The following LYPD6 variants were observed in gnomAD, a reference collection of about 807,000 sequenced individuals.
LYPD6 encodes the protein ly6/PLAUR domain-containing protein 6.
LYPD6 carries 15 observed loss-of-function variants against 22.7 expected under a neutral mutation model. The ratio of observed to expected loss-of-function variants is 0.66; its 90% CI spans 0.44 to 1.02. The LOEUF is 1.02. Ranked by LOEUF, LYPD6 falls within the 50% of genes least tolerant of loss-of-function variation. The pLI is 0.00. For synonymous variants in LYPD6, 72 were observed against 77.5 expected (o/e 0.93, Z 0.37); for missense variants, 189 against 208.4 (o/e 0.91, Z 0.57).
intron 1 of LYPD6, among the ~76,000 whole-genome samples, chr2:149,411,545 A>C (rs534756838): frequency 6.6e-6 from 1 of 152,212 alleles, no homozygotes; most frequent in East Asian, 1.9e-4. Flanking sequence ...GGCCTTCTCA[A>C]ATCCATTTTG....
intron 1 of LYPD6, among the ~76,000 whole-genome samples, chr2:149,410,984 G>A (rs893473509): frequency 6.6e-6 from 1 of 152,202 alleles, no homozygotes; most frequent in African/African-American, 2.4e-5. Context: ...TATGTGAAGA[G>A]TATCTCCAGA....
intron 1 of LYPD6, among the ~76,000 whole-genome samples, chr2:149,436,906 G>T (rs1420653404): frequency 6.6e-6 from 1 of 152,188 alleles, no homozygotes; most frequent in Non-Finnish European, 1.5e-5. Context: ...TACACCTTAA[G>T]TCAGTCTTAA....
intron 1 of LYPD6, among the ~76,000 whole-genome samples, chr2:149,427,971 G>C (rs759038436): frequency 2.0e-5 from 3 of 152,166 alleles, no homozygotes; most frequent in Non-Finnish European, 4.4e-5. Context: ...CCTTGCCAAG[G>C]GGCTCCAGAA....
chr2:149,466,848 A>AT (rs2105180378), intron 3 of LYPD6, among the ~76,000 whole-genome samples: 1 of 145,972 alleles, frequency 6.9e-6, no homozygotes, highest in South Asian at 2.4e-4. Context: ...AGCTGTCTGC[A>AT]TGAAGAGGAG....
intron 1 of LYPD6, among the ~76,000 whole-genome samples, chr2:149,359,831 A>T (rs1211278422): frequency 6.6e-6 from 1 of 152,162 alleles, no homozygotes. Flanking sequence ...AGACCCCAAG[A>T]GAGGGTTCCT....
intron 1 of LYPD6, among the ~76,000 whole-genome samples, chr2:149,382,769 T>TAGCCTGTTTGCTATCAAA (rs1559132253): frequency 6.6e-6 from 1 of 151,690 alleles, no homozygotes; most frequent in African/African-American, 2.4e-5. Context: ...AAGTAGTAGA[T>TAGCCTGTTTGCTATCAAA]TTGATAGCCT....
intron 1 of LYPD6, among the ~76,000 whole-genome samples, chr2:149,366,314 A>C (rs1681663636): frequency 6.6e-6 from 1 of 152,186 alleles, no homozygotes; most frequent in Non-Finnish European, 1.5e-5. Flanking sequence ...TTTTAGATAA[A>C]TAAATGCCGG....
At chr2:149,458,926 T>C (rs1384020721) in intron 3 of LYPD6, among the ~76,000 whole-genome samples, 1 of 152,152 alleles carries the variant, frequency 6.6e-6, no homozygotes, top group Non-Finnish European at 1.5e-5. Context: ...GAAAGAAACC[T>C]CTACAGAGCC....
At chr2:149,482,256 C>T in the LYPD6 span, among the ~76,000 whole-genome samples, 1 of 152,002 alleles carries the variant, frequency 6.6e-6, no homozygotes, top group Non-Finnish European at 1.5e-5. Flanking sequence ...TCTTCTGAAC[C>T]GTTTTAAGGA....
chr2:149,384,403 G>A (rs1002212746), intron 1 of LYPD6, among the ~76,000 whole-genome samples: 1 of 152,176 alleles, frequency 6.6e-6, no homozygotes, highest in African/African-American at 2.4e-5. Flanking sequence ...TTTGTTGGTT[G>A]TGGGGTTTGA....
chr2:149,446,766 CTT>C (rs1177321466), intron 2 of LYPD6, among the ~76,000 whole-genome samples: 6 of 152,188 alleles, frequency 3.9e-5, no homozygotes, highest in African/African-American at 1.4e-4. Flanking sequence ...CTGTTTATGA[CTT>C]TTGATCATGA....
rs145526211 is a variant in LYPD6, at chr2:149,450,002, C to G, written c.217+855C>G. On this transcript the variant is annotated intron_variant, in intron 3 of 4. Transcript: ENST00000334166. The stretch of plus-strand genomic sequence containing the variant: ...CATACTTAACCCAGTGAATGGTATT[C>G]TGCCTCTTGTGGAGGATTGGAAATT... 3.2e-3 allele frequency among the ~76,000 whole-genome samples: 487 copies of G among 152,276 alleles called. 2 individuals are homozygous for G. The highest frequency in any genetic ancestry group is 0.011 in the African/African-American group (457 of 41,562).
intron 2 of LYPD6, among the ~76,000 whole-genome samples, chr2:149,442,002 G>A (rs1198561501): frequency 6.6e-6 from 1 of 152,192 alleles, no homozygotes; most frequent in East Asian, 1.9e-4. Flanking sequence ...TACTACGTAA[G>A]TCTTAGAGAG....
intron 1 of LYPD6, among the ~76,000 whole-genome samples, chr2:149,425,976 A>G (rs1683180597): frequency 6.6e-6 from 1 of 152,232 alleles, no homozygotes; most frequent in Non-Finnish European, 1.5e-5. Flanking sequence ...TTTGGAGGAT[A>G]TGTACACACA....
intron 1 of LYPD6, among the ~76,000 whole-genome samples, chr2:149,369,222 C>T (rs943271987): frequency 2.6e-5 from 4 of 152,070 alleles, no homozygotes; most frequent in Non-Finnish European, 5.9e-5. Flanking sequence ...CACAAGCTAG[C>T]TCAAGCAAAA....
At chr2:149,403,330 A>C (rs1278186878) in intron 1 of LYPD6, among the ~76,000 whole-genome samples, 6 of 150,546 alleles carry the variant, frequency 4.0e-5, no homozygotes, top group Non-Finnish European at 8.9e-5. Context: ...TGGTTGAACT[A>C]GTTTACAGTC....
intron 1 of LYPD6, among the ~76,000 whole-genome samples, chr2:149,409,637 G>T (rs1315051898): frequency 6.6e-6 from 1 of 152,116 alleles, no homozygotes; most frequent in African/African-American, 2.4e-5. Flanking sequence ...TGTTGTGGGG[G>T]TTGGGAGTAT....
At chr2:149,430,551 G>A (rs1304773931) in intron 1 of LYPD6, among the ~76,000 whole-genome samples, 1 of 152,136 alleles carries the variant, frequency 6.6e-6, no homozygotes, top group African/African-American at 2.4e-5. Flanking sequence ...ACTTTTTCAG[G>A]CACCTAAGAT....
At chr2:149,465,428 G>T (rs1171545572) in intron 3 of LYPD6, among the ~76,000 whole-genome samples, 1 of 152,142 alleles carries the variant, frequency 6.6e-6, no homozygotes, top group African/African-American at 2.4e-5. Context: ...TCATTTTTCA[G>T]TATAATTCGT....
Sources: gnomAD v4.1 joint callset for allele counts (sites outside exome capture counted in the v4.1 genomes callset) on GRCh38, gnomAD v4.1.1 for gene constraint, MANE v1.5 for transcripts, NCBI Gene and HGNC (gene_info 2026-07-23, HGNC 2026-07-21) for gene names.